Variants in SHCBP1 observed in about 807,000 individuals in gnomAD.
SHCBP1 encodes the protein SHC SH2 domain-binding protein 1.
Under a neutral mutation model 75.1 loss-of-function variants are expected in SHCBP1, and 60 were observed. That is an observed-to-expected ratio of 0.80 (90% CI 0.65 to 0.99). The LOEUF (loss-of-function observed/expected upper bound fraction) is 0.99. SHCBP1 is among the 50% of genes least tolerant of loss of function. The probability of loss-of-function intolerance (pLI) is 0.00; values close to 1 mark genes in which losing one functional copy is unlikely to be tolerated. For synonymous variants in SHCBP1, 290 were observed against 293.2 expected (o/e 0.99, Z 0.11); for missense variants, 709 against 809.4 (o/e 0.88, Z 1.50).
chr16:46,589,966 A>G (rs1424442372), intron 10 of SHCBP1, among the ~76,000 whole-genome samples: 1 of 152,218 alleles, frequency 6.6e-6, no homozygotes, highest in Non-Finnish European at 1.5e-5. Context: ...TGGTACCAAA[A>G]CAGAGATATA....
chr16:46,610,348 T>C (rs376892903), intron 4 of SHCBP1, among the ~76,000 whole-genome samples: 1 of 152,074 alleles, frequency 6.6e-6, no homozygotes, highest in East Asian at 1.9e-4. Flanking sequence ...CAAATTCCCC[T>C]AATTGTCTCC....
At chr16:46,603,146 A>C (rs1306875929) in intron 8 of SHCBP1, among the ~76,000 whole-genome samples, 2 of 152,240 alleles carry the variant, frequency 1.3e-5, no homozygotes, top group African/African-American at 4.8e-5. Flanking sequence ...ACATATCTGC[A>C]ACATCTATGA....
At chr16:46,589,645 C>T (rs1965009743) in intron 10 of SHCBP1, among the ~76,000 whole-genome samples, 1 of 152,156 alleles carries the variant, frequency 6.6e-6, no homozygotes, top group South Asian at 2.1e-4. Flanking sequence ...TCAAGGAGAA[C>T]TACAAACCAC....
At chr16:46,602,869 G>A (rs960422519) in intron 8 of SHCBP1, among the ~76,000 whole-genome samples, 1 of 152,156 alleles carries the variant, frequency 6.6e-6, no homozygotes, top group Non-Finnish European at 1.5e-5. Context: ...GGCCTCAAGT[G>A]ATCTGCCCAC....
intron 1 of SHCBP1, among the ~76,000 whole-genome samples, chr16:46,619,283 T>C (rs1369841064): frequency 1.3e-5 from 2 of 152,260 alleles, no homozygotes; most frequent in African/African-American, 4.8e-5. Flanking sequence ...ATTTAGAATG[T>C]AGAGTAGTCT....
chr16:46,621,041 G>C, intron 1 of SHCBP1: 2 of 513,924 alleles, frequency 3.9e-6, no homozygotes, highest in Non-Finnish European at 6.9e-6. Context: ...AGTGCAGGGA[G>C]AGTGGGAGAT....
intron 4 of SHCBP1, among the ~76,000 whole-genome samples, chr16:46,611,683 T>C (rs905531317): frequency 3.3e-5 from 5 of 152,234 alleles, no homozygotes; most frequent in African/African-American, 1.2e-4. Flanking sequence ...TTTATATCAG[T>C]CAGCCTATGG....
chr16:46,619,643 ATAG>A (rs949939898), intron 1 of SHCBP1, among the ~76,000 whole-genome samples: 6 of 152,254 alleles, frequency 3.9e-5, no homozygotes, highest in South Asian at 2.1e-4. Flanking sequence ...TGTTAAAGAA[ATAG>A]TAGTACTTCA....
chr16:46,598,464 AT>A (rs927398530), intron 9 of SHCBP1, among the ~76,000 whole-genome samples: 13 of 151,056 alleles, frequency 8.6e-5, no homozygotes, highest in Admixed American at 2.0e-4. Context: ...TTTTAAAGGA[AT>A]TTTTTTTTTC....
In SHCBP1 at chr16:46,580,721, A is replaced by C. The variant is rs1205267112; in HGVS notation, c.*1008T>G. 6.6e-6 allele frequency: 1 copy of C among 152,096 alleles called. No homozygotes were observed. Among genetic ancestry groups the C allele is most frequent in the Non-Finnish European group, 1.5e-5 (1 of 68,012 alleles). The allele number at this position is 152,096 out of a possible 1,614,324, so 9.4% of individuals were successfully genotyped here. A position where few individuals can be genotyped will look rare whatever the true frequency, so the allele number is the denominator to read the frequency against. On this transcript the variant is annotated 3_prime_UTR_variant, in exon 13 of 13. Coordinates refer to ENST00000303383, the MANE Select transcript of SHCBP1 (RefSeq NM_024745.5). Reference sequence around the variant, plus strand: ...TGACTGTGTCAGTAATATAATCAGAATACTGTAACGGTAAGAGAAAAATAC... The same window carrying C: ...TGACTGTGTCAGTAATATAATCAGACTACTGTAACGGTAAGAGAAAAATAC...
chr16:46,603,623 A>G lies in SHCBP1; in HGVS notation c.1129T>C (p.Phe377Leu), dbSNP rs1256146680. The change falls in exon 8 of 13, where the codon TTC becomes CTC. Residue 377 changes from phenylalanine to leucine, a missense_variant. Transcript: ENST00000303383. The stretch of plus-strand genomic sequence containing the variant: ...CAAACAATAACAGTGTCACCTTCGA[A>G]GCAGGCATTTATAGCAGACAATGGA... ...SDPLSAINAC[F>L]EGDTVIVCPG... 1 of 1,614,238 alleles carries G rather than the reference A, an allele frequency of 6.2e-7. No homozygotes were observed.
chr16:46,621,372 CG>C lies in SHCBP1; in HGVS notation c.-14del. ...ACCCGTCAGCCATTTCAAATTTCCGCGGACGGCAGCCCAGGCAACGACGTGA... is the reference window on the plus strand; with the variant it reads ...ACCCGTCAGCCATTTCAAATTTCCGCGACGGCAGCCCAGGCAACGACGTGA... On this transcript the variant is annotated 5_prime_UTR_variant, in exon 1 of 13. Transcript: ENST00000303383. The C allele has an allele frequency of 6.2e-7, 1 of 1,609,930 alleles. No homozygotes were observed. The highest frequency in any genetic ancestry group is 8.5e-7 in the Non-Finnish European group (1 of 1,178,226).
Position 46,579,585 on chromosome 16 carries a change from A to T in SHCBP1, c.*2144T>A, listed in dbSNP as rs1036036486. ...GAGGCTGAGGTGGGTGGATCACTTG[A>T]GGTCAGGAGTTTGAGAACAGCCTGG... On this transcript the variant is annotated 3_prime_UTR_variant, in exon 13 of 13. Transcript: ENST00000303383. Among the ~76,000 whole-genome samples, 1 of 152,158 alleles carries T rather than the reference A, an allele frequency of 6.6e-6. No homozygotes were observed.
At position 46,581,690 on chromosome 16, in the gene SHCBP1, CA is replaced by C; in HGVS notation, c.*38del. 1 of 1,559,600 alleles carries C rather than the reference CA, an allele frequency of 6.4e-7. No homozygotes were observed. Among genetic ancestry groups the C allele is most frequent in the Non-Finnish European group, 8.7e-7 (1 of 1,143,682 alleles). Reference sequence around the variant, plus strand: ...GCAGTGATTCTTAGGGCAGCATGTGCAAAATCCAGTATTTTGCTATCTACTT... The same window carrying C: ...GCAGTGATTCTTAGGGCAGCATGTGCAAATCCAGTATTTTGCTATCTACTT... On this transcript the variant is annotated 3_prime_UTR_variant, in exon 13 of 13. Coordinates refer to ENST00000303383, the MANE Select transcript of SHCBP1 (RefSeq NM_024745.5).
chr16:46,610,070 C>T (rs1195391147), intron 4 of SHCBP1, among the ~76,000 whole-genome samples: 2 of 151,856 alleles, frequency 1.3e-5, no homozygotes, highest in African/African-American at 2.4e-5. Context: ...CCTGCCTCAG[C>T]CTCCCTAGTA....
intron 9 of SHCBP1, among the ~76,000 whole-genome samples, chr16:46,599,357 A>G (rs1252926448): frequency 6.6e-6 from 1 of 152,136 alleles, no homozygotes. Flanking sequence ...AACTGGCCTA[A>G]TTTCAATATT....
intron 2 of SHCBP1, 134 bp from the exon 3 acceptor site, chr16:46,617,883 A>G (rs1277087374): frequency 1.3e-6 from 1 of 764,968 alleles, no homozygotes; most frequent in East Asian, 2.7e-5. Flanking sequence ...AAAAAGATAA[A>G]AGATGCAAAA....
chr16:46,588,940 G>A (rs1197572319), intron 10 of SHCBP1, among the ~76,000 whole-genome samples: 2 of 152,106 alleles, frequency 1.3e-5, no homozygotes, highest in African/African-American at 4.8e-5. Flanking sequence ...CTGGCAAACC[G>A]AATCCAGCAG....
chr16:46,617,736 G>C lies in SHCBP1; in HGVS notation c.285C>G (p.Ala95=). The C allele has an allele frequency of 6.2e-7, 1 of 1,612,300 alleles. No homozygotes were observed. Among genetic ancestry groups the C allele is most frequent in the Middle Eastern group, 2.1e-4 (1 of 4,726 alleles). Residue 95 remains alanine (A), a synonymous_variant, in exon 3 of 13, where the codon GCC becomes GCG. Coordinates refer to ENST00000303383, the MANE Select transcript of SHCBP1 (RefSeq NM_024745.5). ...CAGCTGTGAATTCCTGTACCTCAGA[G>C]GCCTTGCAGTCAGCTACAAACAAAT... ...YQDYILADCK[A]SEVQEFTAEF...
Sources: allele counts gnomAD v4.1 joint callset (sites outside exome capture counted in the v4.1 genomes callset), GRCh38; gene constraint gnomAD v4.1.1; transcripts MANE v1.5; gene names NCBI Gene and HGNC (gene_info 2026-07-23, HGNC 2026-07-21).